LRRC3B: variants seen among roughly 807,000 people sequenced by gnomAD.
LRRC3B encodes the protein leucine-rich repeat-containing protein 3B.
Under a neutral mutation model 12.8 loss-of-function variants are expected in LRRC3B, and 2 were observed. That is an observed-to-expected ratio of 0.16 (90% CI 0.06 to 0.49). LRRC3B has a LOEUF of 0.49. Among genes scored for constraint, LRRC3B ranks in the 20% least tolerant of loss-of-function variants. The pLI, the probability that LRRC3B is intolerant of heterozygous loss-of-function variation, is 0.96. For missense variants in LRRC3B, 189 were observed against 319.4 expected, an observed-to-expected ratio of 0.59 and a Z score of 3.11; for synonymous variants, 132 against 122.0, an observed-to-expected ratio of 1.08 and a Z score of -0.54.
chr3:26,664,296 A>AT (rs1559359289), intron 1 of LRRC3B, among the ~76,000 whole-genome samples: 2 of 151,928 alleles, frequency 1.3e-5, no homozygotes, highest in Non-Finnish European at 2.9e-5. Context: ...TTTGGGTAAC[A>AT]TTTTTTCCTA....
At chr3:26,631,271 T>G (rs35807511) in intron 1 of LRRC3B, among the ~76,000 whole-genome samples, 1 of 152,174 alleles carries the variant, frequency 6.6e-6, no homozygotes, top group Non-Finnish European at 1.5e-5. Context: ...CCTTGGCCAA[T>G]ATCACCTGAA....
At position 26,652,238 on chromosome 3, in the gene LRRC3B, C is replaced by A. The variant is rs116812411; in HGVS notation, c.-161+29001C>A. Among the ~76,000 whole-genome samples the A allele has an allele frequency of 2.7e-3, 413 of 152,286 alleles. 3 individuals are homozygous for A. The highest frequency in any genetic ancestry group is 3.8e-3 in the Non-Finnish European group (261 of 68,016). Reference sequence around the variant, plus strand: ...CTGTATATATGTGGAATAACACCTGCATGATCAACTGGGGCTGCTCTGTCC... The same window carrying A: ...CTGTATATATGTGGAATAACACCTGAATGATCAACTGGGGCTGCTCTGTCC... On this transcript the variant is annotated intron_variant, in intron 1 of 1. Transcript: ENST00000396641.
intron 1 of LRRC3B, among the ~76,000 whole-genome samples, chr3:26,647,651 T>TA (rs1482397197): frequency 6.6e-6 from 1 of 152,218 alleles, no homozygotes; most frequent in Non-Finnish European, 1.5e-5. Context: ...ACTCTAAAGA[T>TA]ACGGCGTTTC....
In LRRC3B at chr3:26,691,105, GTATATATA is replaced by G. The variant is rs1553605090; in HGVS notation, c.-160-18386_-160-18379del. Among the ~76,000 whole-genome samples, 41 of 84,834 alleles carry G rather than the reference GTATATATA, an allele frequency of 4.8e-4. No individual in the cohort carries two copies. The East Asian group carries it at 0.014, about 29-fold the overall frequency. 55.7% of individuals were successfully genotyped at this position (84,834 alleles called of 152,430 possible). A position where few individuals can be genotyped will look rare whatever the true frequency, so the allele number is the denominator to read the frequency against. ...TGTGTGTGTATATGTGTGTGTGTGT[GTATATATA>G]TATATATATATATATATATATGAGA... is the stretch of plus-strand genomic sequence containing the variant. On this transcript the variant is annotated intron_variant, in intron 1 of 1. Coordinates refer to ENST00000396641, the Ensembl canonical transcript of LRRC3B.
chr3:26,701,295 A>C (rs910264805), intron 1 of LRRC3B: 1 of 152,080 alleles, frequency 6.6e-6, no homozygotes, highest in African/African-American at 2.4e-5. Context: ...CTCCACCCCC[A>C]GGTGAGCATA....
chr3:26,629,649 C>G (rs1698710777), intron 1 of LRRC3B, among the ~76,000 whole-genome samples: 1 of 152,164 alleles, frequency 6.6e-6, no homozygotes, highest in Middle Eastern at 3.2e-3. Context: ...ACTTTTCACC[C>G]TTTCCACAAT....
intron 1 of LRRC3B, among the ~76,000 whole-genome samples, chr3:26,634,730 T>G (rs868868732): frequency 6.6e-6 from 1 of 152,216 alleles, no homozygotes; most frequent in Admixed American, 6.5e-5. Context: ...AGGTTGGCTT[T>G]GATCATAAAG....
chr3:26,633,437 T>C (rs1399232760), intron 1 of LRRC3B, among the ~76,000 whole-genome samples: 2 of 151,596 alleles, frequency 1.3e-5, no homozygotes, highest in African/African-American at 4.9e-5. Flanking sequence ...ACTTAAGTTA[T>C]TATTATTAGT....
intron 1 of LRRC3B, among the ~76,000 whole-genome samples, chr3:26,670,237 T>C (rs1049478015): frequency 6.6e-6 from 1 of 152,226 alleles, no homozygotes; most frequent in African/African-American, 2.4e-5. Context: ...ATTTCCTCAC[T>C]TTGCCTTGCA....
chr3:26,647,653 C>T (rs17018477), intron 1 of LRRC3B, among the ~76,000 whole-genome samples: 4,573 of 152,220 alleles, frequency 0.03, 227 homozygotes, highest in African/African-American at 0.1. Flanking sequence ...TCTAAAGATA[C>T]GGCGTTTCTG....
intron 1 of LRRC3B, among the ~76,000 whole-genome samples, chr3:26,637,376 A>G (rs1293157676): frequency 6.6e-6 from 1 of 152,160 alleles, no homozygotes. Context: ...AACCTCCACC[A>G]CCTCAAATTC....
At chr3:26,700,705 T>G (rs370029250) in intron 1 of LRRC3B, among the ~76,000 whole-genome samples, 10 of 152,152 alleles carry the variant, frequency 6.6e-5, no homozygotes, top group African/African-American at 2.4e-4. Context: ...GTGGGACCAG[T>G]TAGGAAGGAA....
intron 1 of LRRC3B, among the ~76,000 whole-genome samples, chr3:26,664,777 C>G (rs1699565045): frequency 6.6e-6 from 1 of 152,038 alleles, no homozygotes; most frequent in Admixed American, 6.6e-5. Flanking sequence ...AGGCAGCTCT[C>G]GCATCTATCA....
At chr3:26,654,628 A>G (rs1214971822) in intron 1 of LRRC3B, among the ~76,000 whole-genome samples, 2 of 152,176 alleles carry the variant, frequency 1.3e-5, no homozygotes, top group Non-Finnish European at 2.9e-5. Context: ...AGAGATGAGA[A>G]AGTGTGTAGT....
chr3:26,651,415 T>C (rs903573781), intron 1 of LRRC3B, among the ~76,000 whole-genome samples: 3 of 152,234 alleles, frequency 2.0e-5, no homozygotes, highest in African/African-American at 7.2e-5. Flanking sequence ...ACCTGAACTA[T>C]TATAAATGAG....
chr3:26,652,733 A>T (rs1266805111), intron 1 of LRRC3B, among the ~76,000 whole-genome samples: 1 of 152,200 alleles, frequency 6.6e-6, no homozygotes, highest in Non-Finnish European at 1.5e-5. Context: ...CAGATGTTTT[A>T]GAGATTTCAA....
chr3:26,708,009 A>ATGAT (rs1369696836), intron 1 of LRRC3B, among the ~76,000 whole-genome samples: 2 of 152,158 alleles, frequency 1.3e-5, no homozygotes, highest in African/African-American at 4.8e-5. Flanking sequence ...CATTTTTTCC[A>ATGAT]TGATTAACAA....
intron 1 of LRRC3B, among the ~76,000 whole-genome samples, chr3:26,671,377 G>T (rs866771526): frequency 0.011 from 782 of 69,080 alleles, 9 homozygotes; most frequent in African/African-American, 0.027. Context: ...TATATATAGA[G>T]AGAGAGAGAG....
intron 1 of LRRC3B, among the ~76,000 whole-genome samples, chr3:26,643,544 G>T (rs1699079301): frequency 1.3e-5 from 2 of 152,070 alleles, no homozygotes; most frequent in African/African-American, 4.8e-5. Flanking sequence ...ACTCACAAGG[G>T]TCTCTGGGCC....
Sources: gnomAD v4.1 joint callset for allele counts (sites outside exome capture counted in the v4.1 genomes callset) on GRCh38, gnomAD v4.1.1 for gene constraint, MANE v1.5 for transcripts, NCBI Gene and HGNC (gene_info 2026-07-23, HGNC 2026-07-21) for gene names.